Variants in SPDEF observed in about 807,000 individuals in gnomAD.
SPDEF encodes SAM pointed domain containing ETS transcription factor.
Under a neutral mutation model 36.0 loss-of-function variants are expected in SPDEF, and 12 were observed. The observed-to-expected ratio is 0.33, with a 90% CI of 0.21 to 0.54. The LOEUF (loss-of-function observed/expected upper bound fraction) is 0.54. Ranked by LOEUF, SPDEF falls within the 20% of genes least tolerant of loss-of-function variation. SPDEF has a pLI of 0.93. For missense variants in SPDEF, 388 were observed against 456.9 expected, an observed-to-expected ratio of 0.85 and a Z score of 1.37; for synonymous variants, 205 against 193.0, an observed-to-expected ratio of 1.06 and a Z score of -0.51.
Position 34,538,872 on chromosome 6 carries a change from A to T in SPDEF, c.829+378T>A, listed in dbSNP as rs1047683152. On this transcript the variant is annotated intron_variant, in intron 5 of 5. Coordinates refer to ENST00000374037, the MANE Select transcript of SPDEF (RefSeq NM_012391.3). The surrounding 1 kb of genome is among the most constrained non-coding windows in gnomAD (Gnocchi z 5.9). The stretch of plus-strand genomic sequence containing the variant: ...CACTTGGCAAGAGCATCCCTTCCCC[A>T]TTACAGGTGTCTCTGTAGTTCCCAA... Among the ~76,000 whole-genome samples the T allele has an allele frequency of 3.9e-5, 6 of 152,102 alleles. No individual in the cohort carries two copies. Among genetic ancestry groups the T allele is most frequent in the Non-Finnish European group, 5.9e-5 (4 of 68,002 alleles).
chr6:34,549,536 C>T (rs979269244), intron 1 of SPDEF, among the ~76,000 whole-genome samples: 4 of 152,202 alleles, frequency 2.6e-5, no homozygotes, highest in Non-Finnish European at 5.9e-5. Context: ...AGATGCCCTC[C>T]CTGACAGCTC....
chr6:34,544,065 G>A lies in SPDEF; in HGVS notation c.391C>T (p.Leu131Phe). ...TTGCAGGCCGTCTCGATGTCCTTGA[G>A]CACTTCGCCCACCACCATGGACTGC... ...QVQSMVVGEV[L>F]KDIETACKLL... The change falls in exon 2 of 6, where the codon CTC becomes TTC. Residue 131 changes from leucine to phenylalanine, a missense_variant. Physicochemically the swap from Leu to Phe is conservative, Grantham distance 22 (BLOSUM62 0). Transcript: ENST00000374037. The surrounding 1 kb of genome is among the most constrained non-coding windows in gnomAD (Gnocchi z 4.4). 6.2e-7 allele frequency: 1 copy of A among 1,613,150 alleles called. No homozygotes were observed. The highest frequency in any genetic ancestry group is 8.5e-7 in the Non-Finnish European group (1 of 1,179,702).
Position 34,544,046 on chromosome 6 carries a change from G to T in SPDEF, c.410C>A (p.Ala137Asp), listed in dbSNP as rs1767886997. 3 of 1,611,764 alleles carry T rather than the reference G, an allele frequency of 1.9e-6. No homozygotes were observed. The highest frequency in any genetic ancestry group is 1.3e-5 in the African/African-American group (1 of 74,838). Reference sequence around the variant, plus strand: ...TGCGGTGATGTTGAGCAGCTTGCAGGCCGTCTCGATGTCCTTGAGCACTTC... The same window carrying T: ...TGCGGTGATGTTGAGCAGCTTGCAGTCCGTCTCGATGTCCTTGAGCACTTC... ...VGEVLKDIETACKLLNITADP... is the reference protein window; with the variant it reads ...VGEVLKDIETDCKLLNITADP... Residue 137 changes from alanine to aspartate, a missense_variant, in exon 2 of 6, where the codon GCC becomes GAC. Around this residue, in one of 2 missense-constraint regions of SPDEF, gnomAD observed 308 missense variants for 326.1 expected, o/e 0.94. Transcript: ENST00000374037. This position sits in a 1 kb window ranked among gnomAD's most constrained non-coding sequence, Gnocchi z 4.4.
At position 34,538,570 on chromosome 6, in the gene SPDEF, C is replaced by T; in HGVS notation, c.830-118G>A. The T allele has an allele frequency of 2.9e-6, 3 of 1,042,736 alleles. No homozygotes were observed. Among genetic ancestry groups the T allele is most frequent in the Non-Finnish European group, 4.2e-6 (3 of 722,022 alleles). 64.6% of individuals were successfully genotyped at this position (1,042,736 alleles called of 1,614,324 possible). On this transcript the variant is annotated intron_variant, in intron 5 of 5. Coordinates refer to ENST00000374037, the MANE Select transcript of SPDEF (RefSeq NM_012391.3). The surrounding 1 kb of genome is among the most constrained non-coding windows in gnomAD (Gnocchi z 5.9). ...CAAGGGACCCCGTGCAGAGGCCTCC[C>T]CCTGCTCGGGTGGGGCGGGGTGTGG...
Position 34,538,596 on chromosome 6 carries a change from G to A in SPDEF, c.830-144C>T. On this transcript the variant is annotated intron_variant, in intron 5 of 5. Transcript: ENST00000374037. The surrounding 1 kb of genome is among the most constrained non-coding windows in gnomAD (Gnocchi z 5.9). ...CCTGCTCGGGTGGGGCGGGGTGTGGGGGCCCAAATGCCTACTCCCAAGGTG... is the reference window on the plus strand; with the variant it reads ...CCTGCTCGGGTGGGGCGGGGTGTGGAGGCCCAAATGCCTACTCCCAAGGTG... 1 of 765,160 alleles carries A rather than the reference G, an allele frequency of 1.3e-6. No individual in the cohort carries two copies. The highest frequency in any genetic ancestry group is 2.1e-6 in the Non-Finnish European group (1 of 482,100). 47.4% of individuals were successfully genotyped at this position (765,160 alleles called of 1,614,324 possible). A position where few individuals can be genotyped will look rare whatever the true frequency, so the allele number is the denominator to read the frequency against.
rs1028426457 is a variant in SPDEF at position 34,552,214 on chromosome 6, C to T, written c.-30+3715G>A. 6.6e-6 allele frequency among the ~76,000 whole-genome samples: 1 copy of T among 152,142 alleles called. No homozygotes were observed. The highest frequency in any genetic ancestry group is 2.4e-5 in the African/African-American group (1 of 41,446). On this transcript the variant is annotated intron_variant, in intron 1 of 5. Transcript: ENST00000374037. The surrounding 1 kb of genome is among the most constrained non-coding windows in gnomAD (Gnocchi z 4.6). ...TTCCCTCTTCCCTACCCTCCTCCAG[C>T]CCCGCATACGCCGTACCTCCCAGCT...
At chr6:34,540,244 G>A (rs112800163) in intron 3 of SPDEF, among the ~76,000 whole-genome samples, 13 of 152,214 alleles carry the variant, frequency 8.5e-5, no homozygotes, top group African/African-American at 3.1e-4. Flanking sequence ...AGGCTATAGT[G>A]AGCTGTGACT....
chr6:34,544,395 C>T lies in SPDEF; in HGVS notation c.61G>A (p.Asp21Asn), dbSNP rs1444242252. ...TCCAAGCCTGTCCGCGACACCGTGT[C>T]GGGGGGCAGCAGGAGGTGGCTGGGG... Reference protein sequence around the residue: ...VSPSHLLLPPDTVSRTGLEKA... With the variant: ...VSPSHLLLPPNTVSRTGLEKA... Residue 21 changes from aspartate (D) to asparagine (N), a missense_variant, in exon 2 of 6, where the codon GAC (aspartate) becomes AAC (asparagine). By Grantham distance (23) the Asp-to-Asn change is conservative (BLOSUM62 1). Coordinates refer to ENST00000374037, the MANE Select transcript of SPDEF (RefSeq NM_012391.3). The surrounding 1 kb of genome is among the most constrained non-coding windows in gnomAD (Gnocchi z 4.4). 7 of 1,590,480 alleles carry T rather than the reference C, an allele frequency of 4.4e-6. No homozygotes were observed. The highest frequency in any genetic ancestry group is 2.7e-5 in the African/African-American group (2 of 74,586).
In SPDEF at chr6:34,555,305, A is replaced by T. The variant is rs138351425; in HGVS notation, c.-30+624T>A. On this transcript the variant is annotated intron_variant, in intron 1 of 5. Transcript: ENST00000374037. This position sits in a 1 kb window ranked among gnomAD's most constrained non-coding sequence, Gnocchi z 5.2. ...GTTGCTTTCCTTGTGTGCCAAGACCAGGACCCAAGGCTCTCAGCTTCCCCC... is the reference window on the plus strand; with the variant it reads ...GTTGCTTTCCTTGTGTGCCAAGACCTGGACCCAAGGCTCTCAGCTTCCCCC... Among the ~76,000 whole-genome samples, 2 of 152,014 alleles carry T rather than the reference A, an allele frequency of 1.3e-5. No individual in the cohort carries two copies. The highest frequency in any genetic ancestry group is 6.6e-5 in the Admixed American group (1 of 15,266).
At chr6:34,541,312 G>T in intron 2 of SPDEF, 131 bp from the exon 3 acceptor site, 1 of 800,944 alleles carries the variant, frequency 1.2e-6, no homozygotes, top group Non-Finnish European at 1.9e-6. Flanking sequence ...CCCCAGACAG[G>T]CCCCTGAGGG....
At chr6:34,550,376 C>A (rs547573587) in intron 1 of SPDEF, among the ~76,000 whole-genome samples, 5 of 152,336 alleles carry the variant, frequency 3.3e-5, no homozygotes, top group Admixed American at 1.3e-4. Flanking sequence ...GGACAGACCA[C>A]CCCGCTGCCC....
At chr6:34,540,137 C>T (rs1235817897) in intron 3 of SPDEF, among the ~76,000 whole-genome samples, 1 of 151,936 alleles carries the variant, frequency 6.6e-6, no homozygotes, top group Non-Finnish European at 1.5e-5. Context: ...CCCGTCTCTA[C>T]CAAAAAATAC....
Position 34,552,597 on chromosome 6 carries a change from G to C in SPDEF, c.-30+3332C>G, listed in dbSNP as rs1319402995. 6.6e-6 allele frequency among the ~76,000 whole-genome samples: 1 copy of C among 152,206 alleles called. No homozygotes were observed. Among genetic ancestry groups the C allele is most frequent in the Admixed American group, 6.5e-5 (1 of 15,282 alleles). On this transcript the variant is annotated intron_variant, in intron 1 of 5. Coordinates refer to ENST00000374037, the MANE Select transcript of SPDEF (RefSeq NM_012391.3). The surrounding 1 kb of genome is among the most constrained non-coding windows in gnomAD (Gnocchi z 4.6). The stretch of plus-strand genomic sequence containing the variant: ...AAGGCAGAGGCCCTCCACACACCTG[G>C]TTGTTGGTCTGTAAAATCTTGATGG...
In SPDEF at chr6:34,540,970, A is replaced by G. The variant is rs765040170; in HGVS notation, c.634+14T>C. On this transcript the variant is annotated intron_variant, in intron 3 of 5. Coordinates refer to ENST00000374037, the MANE Select transcript of SPDEF (RefSeq NM_012391.3). ...AGCCTGGGAGGGGCTGCTCCCAGCC[A>G]TGCCACATCCTACCTGACTTCCAGA... 2 of 1,606,276 alleles carry G rather than the reference A, an allele frequency of 1.2e-6. No homozygotes were observed. Among genetic ancestry groups the G allele is most frequent in the Admixed American group, 3.3e-5 (2 of 59,776 alleles).
intron 1 of SPDEF, among the ~76,000 whole-genome samples, chr6:34,545,748 A>G (rs1468940300): frequency 6.6e-6 from 1 of 152,138 alleles, no homozygotes; most frequent in African/African-American, 2.4e-5. Flanking sequence ...TGTCCCTACT[A>G]AAAATACAAA....
At position 34,552,530 on chromosome 6, in the gene SPDEF, G is replaced by A. The variant is rs1768083908; in HGVS notation, c.-30+3399C>T. On this transcript the variant is annotated intron_variant, in intron 1 of 5. Transcript: ENST00000374037. This position sits in a 1 kb window ranked among gnomAD's most constrained non-coding sequence, Gnocchi z 4.6. ...ACAGTGGTGACTGCTGTCTCCATCT[G>A]CCGTGTTTCTGCGGCCCCTCCAGAC... 1.3e-5 allele frequency among the ~76,000 whole-genome samples: 2 copies of A among 152,208 alleles called. No homozygotes were observed. Among genetic ancestry groups the A allele is most frequent in the Admixed American group, 1.3e-4 (2 of 15,288 alleles).
In SPDEF at chr6:34,549,800, A is replaced by T. The variant is rs1199264181; in HGVS notation, c.-29-5316T>A. 2.0e-5 allele frequency among the ~76,000 whole-genome samples: 3 copies of T among 152,296 alleles called. No individual in the cohort carries two copies. In the East Asian group the frequency reaches 5.8e-4, roughly 29 times the overall value. On this transcript the variant is annotated intron_variant, in intron 1 of 5. Coordinates refer to ENST00000374037, the MANE Select transcript of SPDEF (RefSeq NM_012391.3). Reference sequence around the variant, plus strand: ...GAAGAGCACTGAGGGAGTGACAGAGATGGCCACTCTGGCCCTGCTGCTCAG... The same window carrying T: ...GAAGAGCACTGAGGGAGTGACAGAGTTGGCCACTCTGGCCCTGCTGCTCAG...
rs931512247 is a variant in SPDEF at position 34,552,156 on chromosome 6, C to T, written c.-30+3773G>A. Among the ~76,000 whole-genome samples, 7 of 152,118 alleles carry T rather than the reference C, an allele frequency of 4.6e-5. No individual in the cohort carries two copies. The highest frequency in any genetic ancestry group is 8.8e-5 in the Non-Finnish European group (6 of 68,024). On this transcript the variant is annotated intron_variant, in intron 1 of 5. Coordinates refer to ENST00000374037, the MANE Select transcript of SPDEF (RefSeq NM_012391.3). This position sits in a 1 kb window ranked among gnomAD's most constrained non-coding sequence, Gnocchi z 4.6. ...AGTCTCGTCCTCACCCCCAAATCGCCGGTACACTCCTTGAAGGGCCGGCCA... is the reference window on the plus strand; with the variant it reads ...AGTCTCGTCCTCACCCCCAAATCGCTGGTACACTCCTTGAAGGGCCGGCCA...
Position 34,541,114 on chromosome 6 carries a change from C to T in SPDEF, c.504G>A (p.Leu168=), listed in dbSNP as rs2233643. 1.2e-6 allele frequency: 2 copies of T among 1,610,388 alleles called. No homozygotes were observed. Among genetic ancestry groups the T allele is most frequent in the Middle Eastern group, 1.7e-4 (1 of 6,022 alleles). Residue 168 remains leucine, a synonymous_variant, in exon 3 of 6, where the codon CTG becomes CTA. Transcript: ENST00000374037. The stretch of plus-strand genomic sequence containing the variant: ...CCTGGAAGGCCTTGCCCATGGGGGG[C>T]AGCCGGTATTGGTGCTCTGTCCACA... ...WLLWTEHQYR[L]PPMGKAFQEL... is the part of the protein sequence containing the mutation.
Sources: allele counts gnomAD v4.1 joint callset (sites outside exome capture counted in the v4.1 genomes callset), GRCh38; gene constraint gnomAD v4.1.1; regional missense constraint gnomAD v4.1.1; non-coding constraint Gnocchi (gnomAD v3.1); transcripts MANE v1.5; gene names NCBI Gene and HGNC (gene_info 2026-07-23, HGNC 2026-07-21).